Variants in NEBL observed in about 807,000 individuals in gnomAD.
NEBL encodes LIM and SH3 protein 2.
Under a neutral mutation model 140.2 loss-of-function variants are expected in NEBL, and 122 were observed. The ratio of observed to expected loss-of-function variants is 0.87; its 90% confidence interval spans 0.75 to 1.01. The LOEUF is 1.01. Ranked by LOEUF, NEBL falls within the 50% of genes least tolerant of loss-of-function variation. The pLI, the probability that NEBL is intolerant of heterozygous loss-of-function variation, is 0.00. For missense variants in NEBL, 1,365 were observed against 1,231.3 expected, an observed-to-expected ratio of 1.11 and a Z score of -1.62; for synonymous variants, 436 against 398.9, an observed-to-expected ratio of 1.09 and a Z score of -1.11.
chr10:21,187,563 G>A (rs1227610694), intron 3 of NEBL, among the ~76,000 whole-genome samples: 1 of 151,754 alleles, frequency 6.6e-6, no homozygotes, highest in Non-Finnish European at 1.5e-5. Context: ...ACCCAGGCCG[G>A]AATGCAGTAG....
At chr10:20,998,333 G>A (rs555044764) in intron 3 of NEBL, among the ~76,000 whole-genome samples, 25 of 152,222 alleles carry the variant, frequency 1.6e-4, no homozygotes, top group African/African-American at 6.0e-4. Flanking sequence ...GCTAACCTAA[G>A]AAAGGTATGG....
chr10:21,269,025 C>T (rs1308977949), intron 1 of NEBL, among the ~76,000 whole-genome samples: 1 of 152,102 alleles, frequency 6.6e-6, no homozygotes, highest in Non-Finnish European at 1.5e-5. Context: ...ATCGCATCTC[C>T]ATTGTGGTTT....
At chr10:20,854,924 T>A (rs1842903892) in intron 9 of NEBL, among the ~76,000 whole-genome samples, 1 of 152,064 alleles carries the variant, frequency 6.6e-6, no homozygotes, top group African/African-American at 2.4e-5. Flanking sequence ...CTAATGTTTT[T>A]TTAAAAAAGC....
chr10:20,911,958 T>C (rs1197585889), intron 4 of NEBL, among the ~76,000 whole-genome samples: 1 of 152,216 alleles, frequency 6.6e-6, no homozygotes, highest in South Asian at 2.1e-4. Flanking sequence ...TTTGACTCAA[T>C]ATAAGAAAAA....
At chr10:21,103,491 G>A (rs1412375357) in intron 2 of NEBL, among the ~76,000 whole-genome samples, 1 of 152,122 alleles carries the variant, frequency 6.6e-6, no homozygotes, top group Non-Finnish European at 1.5e-5. Flanking sequence ...GGGATTACAG[G>A]CATGAGCCAC....
At chr10:21,189,467 G>T (rs1002544058) in intron 3 of NEBL, among the ~76,000 whole-genome samples, 1 of 151,920 alleles carries the variant, frequency 6.6e-6, no homozygotes, top group African/African-American at 2.4e-5. Flanking sequence ...TTTGGTTTTG[G>T]TTTTTTTATT....
At chr10:20,912,875 C>T (rs1158823190) in intron 4 of NEBL, among the ~76,000 whole-genome samples, 1 of 146,692 alleles carries the variant, frequency 6.8e-6, no homozygotes, top group Non-Finnish European at 1.5e-5. Context: ...CCATAGTATG[C>T]CAATTCTTTT....
chr10:20,884,408 A>T (rs933434370), intron 4 of NEBL, among the ~76,000 whole-genome samples: 1 of 152,166 alleles, frequency 6.6e-6, no homozygotes, highest in Non-Finnish European at 1.5e-5. Context: ...GGTTTCACAG[A>T]TGCCCTGAAG....
chr10:21,054,811 T>A (rs1189482184), intron 2 of NEBL, among the ~76,000 whole-genome samples: 1 of 152,200 alleles, frequency 6.6e-6, no homozygotes, highest in Non-Finnish European at 1.5e-5. Flanking sequence ...CTCGGAGGCA[T>A]ACAGTACAAT....
At chr10:21,177,747 C>G (rs1841326387), upstream of NEBL, among the ~76,000 whole-genome samples, 1 of 152,102 alleles carries the variant, frequency 6.6e-6, no homozygotes, top group Non-Finnish European at 1.5e-5. Flanking sequence ...CCAGGATGGT[C>G]TCGATCTCCT....
rs77428179 is a variant in NEBL, at chr10:20,968,090, G to A, written c.250-6311C>T. Among the ~76,000 whole-genome samples, 2,871 of 152,132 alleles carry A rather than the reference G, an allele frequency of 0.019. 355 individuals are homozygous for A. In the East Asian group the frequency reaches 0.34, roughly 18 times the overall value. ...TCCACCATCTGCAGAAAGTTAAATC[G>A]GCCACTCTGAGTTTCTTCATCTTAG... is the stretch of plus-strand genomic sequence containing the variant. On this transcript the variant is annotated intron_variant, in intron 3 of 6. Transcript: ENST00000417816.
At chr10:21,104,172 A>G (rs1034783036) in intron 2 of NEBL, among the ~76,000 whole-genome samples, 4 of 152,220 alleles carry the variant, frequency 2.6e-5, no homozygotes, top group African/African-American at 9.6e-5. Context: ...GAGCTGTATA[A>G]TAAGGTTTAA....
At chr10:21,234,575 T>C (rs1842323906) in intron 3 of NEBL, among the ~76,000 whole-genome samples, 2 of 152,168 alleles carry the variant, frequency 1.3e-5, no homozygotes, top group African/African-American at 4.8e-5. Flanking sequence ...GGTGTTCCTT[T>C]AGAGCAGTGT....
chr10:21,029,901 C>G, intron 2 of NEBL: 1 of 629,562 alleles, frequency 1.6e-6, no homozygotes, highest in Non-Finnish European at 2.9e-6. Flanking sequence ...GCTATGAAGA[C>G]CGATACAACA....
At chr10:21,142,403 A>T (rs1839671198) in intron 2 of NEBL, among the ~76,000 whole-genome samples, 1 of 151,812 alleles carries the variant, frequency 6.6e-6, no homozygotes, top group Non-Finnish European at 1.5e-5. Context: ...TCACCTTACC[A>T]CTCAGTCCAT....
chr10:21,146,256 G>T, intron 2 of NEBL: 3 of 1,052,296 alleles, frequency 2.9e-6, no homozygotes, highest in East Asian at 2.4e-5. Context: ...ACAGCTGCAC[G>T]TGTCAGGCAG....
At chr10:20,828,686 G>T (rs1431690960) in intron 16 of NEBL, 52 bp from the exon 17 acceptor site, 1 of 1,209,452 alleles carries the variant, frequency 8.3e-7, no homozygotes, top group East Asian at 2.4e-5. Context: ...GTGCGCACAT[G>T]TGAGAGGGAG....
At chr10:20,953,273 A>T (rs1835593107) in intron 4 of NEBL, among the ~76,000 whole-genome samples, 1 of 152,148 alleles carries the variant, frequency 6.6e-6, no homozygotes, top group South Asian at 2.1e-4. Flanking sequence ...AGACACAGAG[A>T]TCTCTCTTGC....
chr10:20,802,363 G>T (rs1056548958), intron 26 of NEBL, among the ~76,000 whole-genome samples: 1 of 152,102 alleles, frequency 6.6e-6, no homozygotes, highest in South Asian at 2.1e-4. Flanking sequence ...AATACCAAAA[G>T]GCAGTAAAGA....
Sources: allele counts gnomAD v4.1 joint callset (sites outside exome capture counted in the v4.1 genomes callset), GRCh38; gene constraint gnomAD v4.1.1; transcripts MANE v1.5; gene names NCBI Gene and HGNC (gene_info 2026-07-23, HGNC 2026-07-21).